Variants in TMCO4 observed in about 807,000 individuals in gnomAD.
The protein encoded by TMCO4 is transmembrane and coiled-coil domains 4.
Under a neutral mutation model 64.7 loss-of-function variants are expected in TMCO4, and 58 were observed. The ratio of observed to expected loss-of-function variants is 0.90; its 90% CI spans 0.73 to 1.12. The LOEUF is 1.12. Among genes scored for constraint, TMCO4 ranks in the 50% most tolerant of loss-of-function variants. TMCO4 has a pLI of 0.00. For synonymous variants in TMCO4, 325 were observed against 346.1 expected (o/e 0.94, Z 0.68); for missense variants, 780 against 825.9 (o/e 0.94, Z 0.68).
intron 13 of TMCO4, among the ~76,000 whole-genome samples, chr1:19,729,478 A>T (rs931203432): frequency 7.3e-5 from 11 of 151,300 alleles, no homozygotes; most frequent in Non-Finnish European, 1.3e-4. Context: ...AGAAATAACT[A>T]AAAAAGCCCT....
chr1:19,740,699 A>G (rs1291795443), intron 11 of TMCO4, 78 bp downstream of exon 11: 11 of 1,499,906 alleles, frequency 7.3e-6, no homozygotes, highest in Admixed American at 2.0e-5. Flanking sequence ...GGCTTTGGGC[A>G]TGCAAAACTA....
intron 2 of TMCO4, among the ~76,000 whole-genome samples, chr1:19,790,507 C>T (rs1026436767): frequency 2.6e-5 from 4 of 152,054 alleles, no homozygotes; most frequent in South Asian, 2.1e-4. Context: ...AGTACATGAA[C>T]AGACACTTCT....
intron 2 of TMCO4, among the ~76,000 whole-genome samples, chr1:19,795,755 C>A (rs570658828): frequency 3.3e-4 from 50 of 152,322 alleles, no homozygotes; most frequent in African/African-American, 1.2e-3. Context: ...CACAATGATG[C>A]TGTTCTACCT....
chr1:19,689,046 G>C (rs1355246167), intron 15 of TMCO4, among the ~76,000 whole-genome samples: 1 of 152,124 alleles, frequency 6.6e-6, no homozygotes, highest in East Asian at 1.9e-4. Flanking sequence ...CTGCAACAGG[G>C]CCAGCCCAGT....
At chr1:19,775,266 G>A (rs2043157561) in intron 4 of TMCO4, among the ~76,000 whole-genome samples, 1 of 152,162 alleles carries the variant, frequency 6.6e-6, no homozygotes, top group South Asian at 2.1e-4. Context: ...GTTTCGCCAT[G>A]AGATTTCACC....
At chr1:19,742,960 G>A (rs2095486542) in intron 10 of TMCO4, among the ~76,000 whole-genome samples, 1 of 152,112 alleles carries the variant, frequency 6.6e-6, no homozygotes, top group Non-Finnish European at 1.5e-5. Flanking sequence ...TGAGGCAGGA[G>A]AATCGCTAGA....
intron 9 of TMCO4, among the ~76,000 whole-genome samples, chr1:19,746,111 TG>T (rs2041769380): frequency 6.6e-6 from 1 of 152,138 alleles, no homozygotes; most frequent in Non-Finnish European, 1.5e-5. Flanking sequence ...AGATATCATT[TG>T]GAAAAACTCC....
intron 12 of TMCO4, 73 bp downstream of exon 12, chr1:19,739,751 A>C: frequency 1.9e-6 from 3 of 1,559,154 alleles, no homozygotes; most frequent in Non-Finnish European, 2.6e-6. Context: ...TCTAAGGCTG[A>C]TATCTGTGAA....
At chr1:19,745,769 GAAA>G in intron 9 of TMCO4, 118 bp from the exon 10 acceptor site, 1 of 1,341,146 alleles carries the variant, frequency 7.5e-7, no homozygotes, top group Non-Finnish European at 1.0e-6. Flanking sequence ...CCTGCCCCTG[GAAA>G]AACACATTTT....
At chr1:19,713,805 C>T (rs75614894) in intron 13 of TMCO4, among the ~76,000 whole-genome samples, 1 of 152,300 alleles carries the variant, frequency 6.6e-6, no homozygotes, top group East Asian at 1.9e-4. Context: ...AATTATCTCT[C>T]TCCCCTATTC....
In TMCO4 at chr1:19,798,344, G is replaced by T. The variant is rs546628438; in HGVS notation, c.-179-129C>A. ...TAGCCCAGTGGTACCAGAGTAGAGA[G>T]AGATGGTTTGAGCCTTATGAGGAAC... On this transcript the variant is annotated intron_variant, in intron 1 of 15. Transcript: ENST00000294543. The T allele has an allele frequency of 7.2e-5, 11 of 152,536 alleles. 1 individual carries two copies. In the East Asian group the frequency reaches 2.1e-3, roughly 29 times the overall value. The allele number at this position is 152,536 out of a possible 1,614,324, so 9.4% of individuals were successfully genotyped here.
At chr1:19,788,533 C>T (rs538481002) in intron 2 of TMCO4, among the ~76,000 whole-genome samples, 1 of 152,076 alleles carries the variant, frequency 6.6e-6, no homozygotes, top group South Asian at 2.1e-4. Context: ...GAATTATTAA[C>T]AATAAGTGTC....
intron 2 of TMCO4, among the ~76,000 whole-genome samples, chr1:19,788,378 G>T (rs115836670): frequency 0.015 from 2,295 of 152,268 alleles, 57 homozygotes; most frequent in African/African-American, 0.052. Context: ...GAACTCTCTA[G>T]AAAGTTATTT....
chr1:19,766,693 T>C lies in TMCO4; in HGVS notation c.382+3849A>G, dbSNP rs539806727. 5.3e-5 allele frequency among the ~76,000 whole-genome samples: 8 copies of C among 152,326 alleles called. No homozygotes were observed. The South Asian group carries it at 1.7e-3, about 32-fold the overall frequency. On this transcript the variant is annotated intron_variant, in intron 6 of 15. Coordinates refer to ENST00000294543, the MANE Select transcript of TMCO4 (RefSeq NM_181719.7). ...GACTACTGTTACTCCCTTGGATGCC[T>C]GGGGAAACCAAGGCACAGAGACATT...
chr1:19,761,959 C>T (rs946555015), intron 6 of TMCO4, among the ~76,000 whole-genome samples: 15 of 152,212 alleles, frequency 9.9e-5, no homozygotes, highest in Admixed American at 9.8e-4. Context: ...CAGGAGCTTG[C>T]ATTTGTGATT....
chr1:19,733,640 T>C (rs761832180), intron 13 of TMCO4, among the ~76,000 whole-genome samples: 5 of 152,176 alleles, frequency 3.3e-5, no homozygotes, highest in Non-Finnish European at 5.9e-5. Flanking sequence ...CTCATATATA[T>C]ATTTTGGGAA....
intron 15 of TMCO4, among the ~76,000 whole-genome samples, chr1:19,692,696 G>A (rs1290825367): frequency 2.6e-5 from 4 of 151,788 alleles, no homozygotes; most frequent in African/African-American, 9.7e-5. Flanking sequence ...GCAGTGAGCC[G>A]AGATCGCGCC....
At chr1:19,720,944 C>T (rs1246772574) in intron 13 of TMCO4, among the ~76,000 whole-genome samples, 4 of 150,836 alleles carry the variant, frequency 2.7e-5, no homozygotes, top group East Asian at 1.9e-4. Flanking sequence ...ATCTTAGATA[C>T]GAGGAAAGAA....
chr1:19,766,833 G>A (rs2235654), intron 6 of TMCO4, among the ~76,000 whole-genome samples: 3,227 of 152,248 alleles, frequency 0.021, 67 homozygotes, highest in East Asian at 0.056. Flanking sequence ...CATGACAACC[G>A]TCAGCAAACC....
Sources: gnomAD v4.1 joint callset for allele counts (sites outside exome capture counted in the v4.1 genomes callset) on GRCh38, gnomAD v4.1.1 for gene constraint, MANE v1.5 for transcripts, NCBI Gene and HGNC (gene_info 2026-07-23, HGNC 2026-07-21) for gene names.